TOMM40: variants seen among roughly 807,000 people sequenced by gnomAD.
The protein encoded by TOMM40 is translocase of outer mitochondrial membrane 40, also known as mitochondrial import receptor subunit TOM40 homolog.
Under a neutral mutation model 38.4 loss-of-function variants are expected in TOMM40, and 9 were observed. The observed-to-expected ratio is 0.23, with a 90% confidence interval of 0.14 to 0.41. The LOEUF (loss-of-function observed/expected upper bound fraction) is 0.41, where lower values mean the gene tolerates loss of function less well. TOMM40 is among the 10% of genes least tolerant of loss of function. The pLI is 1.00. For synonymous variants in TOMM40, 184 were observed against 210.0 expected, an observed-to-expected ratio of 0.88 and a Z score of 1.07; for missense variants, 299 against 486.5, an observed-to-expected ratio of 0.61 and a Z score of 3.63.
At chr19:44,902,522 G>A (rs1014283084) in intron 8 of TOMM40, 1 of 152,520 alleles carries the variant, frequency 6.6e-6, no homozygotes, top group Non-Finnish European at 1.5e-5. Context: ...TGGAAGCCTC[G>A]AGCCTGCCCC....
In TOMM40 at chr19:44,897,268, T is replaced by A. The variant is rs867870107; in HGVS notation, c.643+3202T>A. ...GAGATGGGAAGGATGGTTAGAAAGA[T>A]ACTTGAGGGTCTCATGGCCTCAGTT... On this transcript the variant is annotated intron_variant, in intron 5 of 8. Transcript: ENST00000426677. 2.0e-5 allele frequency among the ~76,000 whole-genome samples: 3 copies of A among 152,224 alleles called. No individual in the cohort carries two copies. In the South Asian group the frequency reaches 6.2e-4, roughly 32 times the overall value.
intron 5 of TOMM40, 59 bp downstream of exon 5, chr19:44,894,125 A>T (rs1969520970): frequency 1.5e-6 from 2 of 1,311,774 alleles, no homozygotes; most frequent in Admixed American, 5.3e-5. Context: ...TTTGCCAGCA[A>T]ATCCACCCCA....
chr19:44,895,817 G>C (rs1191952575), intron 5 of TOMM40, among the ~76,000 whole-genome samples: 3 of 152,094 alleles, frequency 2.0e-5, no homozygotes, highest in Non-Finnish European at 4.4e-5. Context: ...AAAGTGCTGG[G>C]ATTACAGGTG....
In TOMM40 at chr19:44,903,278, G is replaced by A; in HGVS notation, c.*109G>A. The A allele has an allele frequency of 1.6e-6, 2 of 1,218,470 alleles. No homozygotes were observed. The highest frequency in any genetic ancestry group is 1.8e-5 in the African/African-American group (1 of 55,538). The allele number at this position is 1,218,470 out of a possible 1,614,324, so 75.5% of individuals were successfully genotyped here. A position where few individuals can be genotyped will look rare whatever the true frequency, so the allele number is the denominator to read the frequency against. ...CCCCTCCCTTCCCTCCCCCCTTGGG[G>A]GTCGGGGGGGACATTGGAAAGGAGG... is the stretch of plus-strand genomic sequence containing the variant. On this transcript the variant is annotated 3_prime_UTR_variant, in exon 9 of 9. Coordinates refer to ENST00000426677, the MANE Select transcript of TOMM40 (RefSeq NM_001128917.2).
At chr19:44,894,206 A>G (rs993819261) in intron 5 of TOMM40, 140 bp downstream of exon 5, 1 of 565,196 alleles carries the variant, frequency 1.8e-6, no homozygotes, top group Non-Finnish European at 3.0e-6. Context: ...CAGGCAACAT[A>G]CTACAGTGGG....
chr19:44,903,274 T>TG lies in TOMM40; in HGVS notation c.*110dup. 10 of 1,194,688 alleles carry TG rather than the reference T, an allele frequency of 8.4e-6. No individual in the cohort carries two copies. Among genetic ancestry groups the TG allele is most frequent in the Non-Finnish European group, 1.1e-5 (10 of 900,238 alleles). The allele number at this position is 1,194,688 out of a possible 1,614,324, so 74.0% of individuals were successfully genotyped here. ...AGCCCCCCTCCCTTCCCTCCCCCCT[T>TG]GGGGGTCGGGGGGGACATTGGAAAG... On this transcript the variant is annotated 3_prime_UTR_variant, in exon 9 of 9. Coordinates refer to ENST00000426677, the MANE Select transcript of TOMM40 (RefSeq NM_001128917.2).
chr19:44,891,448 C>A lies in TOMM40; in HGVS notation c.33C>A (p.Pro11=). Residue 11 remains proline (P), a synonymous_variant, in exon 1 of 9, where the codon CCC becomes CCA. Coordinates refer to ENST00000426677, the MANE Select transcript of TOMM40 (RefSeq NM_001128917.2). ...ACGTGTTGGCTGCCAGCTCGCCGCC[C>A]GCAGGGCCGCCACCGCCGCCTGCGC... MGNVLAASSP[P]AGPPPPPAPA... 7.7e-7 allele frequency: 1 copy of A among 1,295,170 alleles called. No individual in the cohort carries two copies. 80.2% of individuals were successfully genotyped at this position (1,295,170 alleles called of 1,614,324 possible). A position where few individuals can be genotyped will look rare whatever the true frequency, so the allele number is the denominator to read the frequency against.
At chr19:44,899,547 T>G (rs1013496575) in intron 5 of TOMM40, among the ~76,000 whole-genome samples, 4 of 151,850 alleles carry the variant, frequency 2.6e-5, no homozygotes, top group African/African-American at 9.7e-5. Flanking sequence ...ATTCCTGGGC[T>G]CAAATGAACC....
At chr19:44,900,965 G>C (rs1969669142) in intron 6 of TOMM40, 63 bp from the exon 7 acceptor site, 4 of 1,611,146 alleles carry the variant, frequency 2.5e-6, no homozygotes, top group Admixed American at 3.3e-5. Flanking sequence ...GAGGAGGCCT[G>C]GGTTCCCAGA....
Position 44,893,827 on chromosome 19 carries a change from C to T in TOMM40, c.483C>T (p.Asn161=), listed in dbSNP as rs138068636. ...VGDMDNSGSL[N]AQVIHQLGPG... Reference sequence around the variant, plus strand: ...ACATGGACAACAGTGGCAGTCTCAACGCTCAGGTCATTCACCAGCTGGGCC... The same window carrying T: ...ACATGGACAACAGTGGCAGTCTCAATGCTCAGGTCATTCACCAGCTGGGCC... The change falls in exon 4 of 9, where the codon AAC becomes AAT. Residue 161 remains asparagine, a synonymous_variant. Transcript: ENST00000426677. 18 of 1,612,168 alleles carry T rather than the reference C, an allele frequency of 1.1e-5. No homozygotes were observed. The highest frequency in any genetic ancestry group is 9.4e-5 in the African/African-American group (7 of 74,854).
intron 5 of TOMM40, 42 bp from the exon 6 acceptor site, chr19:44,900,688 G>A: frequency 3.1e-6 from 5 of 1,611,570 alleles, no homozygotes; most frequent in African/African-American, 1.3e-5. Context: ...GTCTAGCCTG[G>A]CACTCAGGGT....
chr19:44,896,845 G>A (rs74985925), intron 5 of TOMM40, among the ~76,000 whole-genome samples: 1 of 152,102 alleles, frequency 6.6e-6, no homozygotes, highest in Non-Finnish European at 1.5e-5. Context: ...GCTTGAGATC[G>A]GGAGTTCAAG....
At chr19:44,891,833 C>T (rs1308329388) in intron 1 of TOMM40, 144 bp downstream of exon 1, 2 of 912,574 alleles carry the variant, frequency 2.2e-6, no homozygotes, top group Non-Finnish European at 3.0e-6. Flanking sequence ...AATGGTGGAA[C>T]GTTGGACTTG....
At chr19:44,891,824 A>G (rs1969472664) in intron 1 of TOMM40, 135 bp downstream of exon 1, 27 of 971,248 alleles carry the variant, frequency 2.8e-5, no homozygotes, top group Non-Finnish European at 3.7e-5. Flanking sequence ...TTGGGATCGA[A>G]TGGTGGAACG....
chr19:44,892,819 C>G lies in TOMM40; in HGVS notation c.343-18C>G, dbSNP rs769720197. On this transcript the variant is annotated intron_variant, in intron 2 of 8. Coordinates refer to ENST00000426677, the MANE Select transcript of TOMM40 (RefSeq NM_001128917.2). ...GCCTATCTGTCCAGTATCGTCACAG[C>G]TCTCGCTTTCCTTCCAGGTCAACCA... 3 of 1,598,322 alleles carry G rather than the reference C, an allele frequency of 1.9e-6. No homozygotes were observed. In the East Asian group the frequency reaches 6.7e-5, roughly 36 times the overall value.
intron 5 of TOMM40, among the ~76,000 whole-genome samples, 198 bp downstream of exon 5, chr19:44,894,264 T>C (rs956816202): frequency 7.4e-6 from 1 of 135,540 alleles, no homozygotes; most frequent in Non-Finnish European, 1.7e-5. Context: ...GAGCAGTCTT[T>C]TTTTTTTTTT....
chr19:44,896,323 G>A lies in TOMM40; in HGVS notation c.643+2257G>A, dbSNP rs150097274. ...TGACCCAGGGTGTCTCTACCTCCAG[G>A]CGGCTCTGTGACCTCCGGCAAGTGG... is the stretch of plus-strand genomic sequence containing the variant. On this transcript the variant is annotated intron_variant, in intron 5 of 8. Coordinates refer to ENST00000426677, the MANE Select transcript of TOMM40 (RefSeq NM_001128917.2). Among the ~76,000 whole-genome samples, 132 of 152,270 alleles carry A rather than the reference G, an allele frequency of 8.7e-4. 1 individual carries two copies. The highest frequency in any genetic ancestry group is 2.3e-3 in the African/African-American group (94 of 41,552).
intron 3 of TOMM40, among the ~76,000 whole-genome samples, chr19:44,893,328 G>T (rs367641910): frequency 2.0e-5 from 3 of 152,222 alleles, no homozygotes; most frequent in African/African-American, 4.8e-5. Context: ...GGTTCCCGCT[G>T]TAGAAATCTC....
rs781174852 is a variant in TOMM40 at position 44,901,150 on chromosome 19, C to T, written c.843+46C>T. ...GCTGGTGCTGCCAGGGGCTGCTGGGCCTGGAAGTCCAGGTGGGGCCACTTG... is the reference window on the plus strand; with the variant it reads ...GCTGGTGCTGCCAGGGGCTGCTGGGTCTGGAAGTCCAGGTGGGGCCACTTG... On this transcript the variant is annotated intron_variant, in intron 7 of 8. Coordinates refer to ENST00000426677, the MANE Select transcript of TOMM40 (RefSeq NM_001128917.2). The T allele has an allele frequency of 1.1e-5, 17 of 1,613,576 alleles. No homozygotes were observed. In the East Asian group the frequency reaches 3.6e-4, roughly 34 times the overall value.
Sources: gnomAD v4.1 joint callset for allele counts (sites outside exome capture counted in the v4.1 genomes callset) on GRCh38, gnomAD v4.1.1 for gene constraint, MANE v1.5 for transcripts, NCBI Gene and HGNC (gene_info 2026-07-23, HGNC 2026-07-21) for gene names.